Variants in EBF1 observed in about 807,000 individuals in gnomAD.
The protein encoded by EBF1 is EBF transcription factor 1, also known as transcription factor COE1.
Under a neutral mutation model 68.4 loss-of-function variants are expected in EBF1, and 10 were observed. The observed-to-expected ratio is 0.15, with a 90% CI of 0.09 to 0.25. The LOEUF (loss-of-function observed/expected upper bound fraction) is 0.25. Among genes scored for constraint, EBF1 ranks in the 10% least tolerant of loss-of-function variants. The pLI, the probability that EBF1 is intolerant of heterozygous loss-of-function variation, is 1.00. For synonymous variants in EBF1, 298 were observed against 299.8 expected (o/e 0.99, Z 0.06); for missense variants, 509 against 794.4 (o/e 0.64, Z 4.32).
intron 6 of EBF1, among the ~76,000 whole-genome samples, chr5:159,015,307 A>T (rs759633985): frequency 6.6e-6 from 1 of 152,222 alleles, no homozygotes; most frequent in Non-Finnish European, 1.5e-5. Flanking sequence ...AACAGAACTC[A>T]TGGTGAACTC....
At chr5:158,842,477 G>A (rs1582456086) in intron 6 of EBF1, among the ~76,000 whole-genome samples, 1 of 152,220 alleles carries the variant, frequency 6.6e-6, no homozygotes, top group African/African-American at 2.4e-5. Flanking sequence ...GTGTGATATG[G>A]TGAAAGGCCA....
At chr5:159,099,015 C>A (rs970854531) in intron 1 of EBF1, among the ~76,000 whole-genome samples, 3 of 152,088 alleles carry the variant, frequency 2.0e-5, no homozygotes, top group African/African-American at 7.2e-5. Context: ...AAAGAGCAAT[C>A]ACATAAAAAC....
At chr5:158,836,559 G>T (rs1788854596) in intron 7 of EBF1, among the ~76,000 whole-genome samples, 2 of 152,160 alleles carry the variant, frequency 1.3e-5, no homozygotes, top group South Asian at 4.1e-4. Context: ...AAAAGGTTGG[G>T]TTAGAGAGAT....
chr5:158,761,120 C>T (rs1326914200), intron 10 of EBF1, among the ~76,000 whole-genome samples: 1 of 152,182 alleles, frequency 6.6e-6, no homozygotes, highest in Non-Finnish European at 1.5e-5. Flanking sequence ...TTGATCAGCA[C>T]TTTGCATCTG....
chr5:158,929,674 A>G (rs1271310787), intron 6 of EBF1, among the ~76,000 whole-genome samples: 1 of 152,202 alleles, frequency 6.6e-6, no homozygotes, highest in Admixed American at 6.5e-5. Flanking sequence ...CTGAGGCTTT[A>G]ATTATCACCA....
intron 6 of EBF1, among the ~76,000 whole-genome samples, chr5:158,980,217 C>T (rs1360492564): frequency 6.6e-6 from 1 of 152,250 alleles, no homozygotes; most frequent in Admixed American, 6.5e-5. Flanking sequence ...CTTCACGTCT[C>T]ATATGTCAAC....
chr5:159,029,832 T>C (rs1768400410), intron 6 of EBF1, among the ~76,000 whole-genome samples: 1 of 151,934 alleles, frequency 6.6e-6, no homozygotes, highest in Non-Finnish European at 1.5e-5. Flanking sequence ...TGTGTGCCTG[T>C]AGTCCCAGCT....
intron 6 of EBF1, among the ~76,000 whole-genome samples, chr5:158,932,245 G>A (rs184575440): frequency 6.6e-6 from 1 of 152,156 alleles, no homozygotes; most frequent in African/African-American, 2.4e-5. Context: ...AAACTTAAAT[G>A]TCTAACAATT....
intron 6 of EBF1, among the ~76,000 whole-genome samples, chr5:159,054,577 A>T (rs1436232021): frequency 2.6e-5 from 4 of 152,348 alleles, no homozygotes; most frequent in African/African-American, 9.6e-5. Context: ...CAAGCAAAGG[A>T]TATTAGCAGA....
At chr5:158,801,526 A>T (rs1419479564) in intron 8 of EBF1, among the ~76,000 whole-genome samples, 1 of 152,092 alleles carries the variant, frequency 6.6e-6, no homozygotes, top group Non-Finnish European at 1.5e-5. Context: ...CTAACAGATT[A>T]ATTGGTTTAA....
At chr5:158,917,604 T>A (rs1346035414) in intron 6 of EBF1, among the ~76,000 whole-genome samples, 2 of 152,216 alleles carry the variant, frequency 1.3e-5, no homozygotes, top group East Asian at 3.8e-4. Flanking sequence ...AAGTGGCACA[T>A]CAAACTTTTA....
At chr5:158,970,922 TAGA>T (rs1426649480) in intron 6 of EBF1, among the ~76,000 whole-genome samples, 1 of 152,192 alleles carries the variant, frequency 6.6e-6, no homozygotes, top group African/African-American at 2.4e-5. Flanking sequence ...AAGTAGCTTT[TAGA>T]AGGAGATTCT....
intron 6 of EBF1, 139 bp downstream of exon 6, chr5:159,073,257 C>T (rs541437244): frequency 2.0e-5 from 15 of 767,566 alleles, no homozygotes; most frequent in African/African-American, 8.6e-5. Context: ...GAATCAAAAT[C>T]GCTCAGCACA....
At chr5:159,084,374 T>C (rs1561977937) in intron 5 of EBF1, among the ~76,000 whole-genome samples, 3 of 152,174 alleles carry the variant, frequency 2.0e-5, no homozygotes, top group African/African-American at 4.8e-5. Context: ...TATATTGTTT[T>C]ATTTGATTTT....
At chr5:159,008,538 T>C (rs1764013133) in intron 6 of EBF1, among the ~76,000 whole-genome samples, 1 of 151,426 alleles carries the variant, frequency 6.6e-6, no homozygotes, top group African/African-American at 2.4e-5. Context: ...TTTTTTTTTT[T>C]TAAGACAGAG....
intron 15 of EBF1, among the ~76,000 whole-genome samples, chr5:158,705,136 A>T (rs1018867029): frequency 1.3e-5 from 2 of 152,080 alleles, no homozygotes; most frequent in African/African-American, 4.8e-5. Context: ...CTGCACCACC[A>T]GGCCCGGCTA....
Position 158,940,576 on chromosome 5 carries a change from G to A in EBF1, c.555-100466C>T, listed in dbSNP as rs575586537. Reference sequence around the variant, plus strand: ...AGGTTTGTCTGACTCTAGAGCCCAGGATCTTAAGCATTTTGCTGTGCTATT... The same window carrying A: ...AGGTTTGTCTGACTCTAGAGCCCAGAATCTTAAGCATTTTGCTGTGCTATT... On this transcript the variant is annotated intron_variant, in intron 6 of 15. Coordinates refer to ENST00000313708, the MANE Select transcript of EBF1 (RefSeq NM_024007.5). 2.0e-5 allele frequency among the ~76,000 whole-genome samples: 3 copies of A among 152,270 alleles called. No homozygotes were observed. The South Asian group carries it at 6.2e-4, about 32-fold the overall frequency.
At chr5:159,072,372 GA>G (rs1306196698) in intron 6 of EBF1, among the ~76,000 whole-genome samples, 2 of 152,014 alleles carry the variant, frequency 1.3e-5, no homozygotes, top group African/African-American at 4.8e-5. Context: ...ATTGTTAACT[GA>G]AAAATGATAA....
rs539618679 is a variant in EBF1 at position 158,978,007 on chromosome 5, G to C, written c.554+95389C>G. Among the ~76,000 whole-genome samples, 577 of 152,306 alleles carry C rather than the reference G, an allele frequency of 3.8e-3. 6 individuals carry two copies. The highest frequency in any genetic ancestry group is 0.013 in the African/African-American group (555 of 41,562). ...GGAAGAGGCTGCCTCACACCCACAC[G>C]GTCTACCCGTGGGTAAACTGGCATT... On this transcript the variant is annotated intron_variant, in intron 6 of 15. Coordinates refer to ENST00000313708, the MANE Select transcript of EBF1 (RefSeq NM_024007.5).
Sources: allele counts gnomAD v4.1 joint callset (sites outside exome capture counted in the v4.1 genomes callset), GRCh38; gene constraint gnomAD v4.1.1; transcripts MANE v1.5; gene names NCBI Gene and HGNC (gene_info 2026-07-23, HGNC 2026-07-21).